Variants in ZNF385B observed in about 807,000 individuals in gnomAD.
ZNF385B encodes zinc finger protein 385B.
A neutral mutation model predicts 39.2 loss-of-function variants in ZNF385B; 23 were observed. That is an observed-to-expected ratio of 0.59 (90% confidence interval 0.42 to 0.83). ZNF385B has a LOEUF of 0.83. ZNF385B is among the 40% of genes least tolerant of loss of function. The pLI is 0.00. For synonymous variants in ZNF385B, 205 were observed against 222.6 expected (o/e 0.92, Z 0.70); for missense variants, 552 against 598.9 (o/e 0.92, Z 0.82).
intron 4 of ZNF385B, among the ~76,000 whole-genome samples, chr2:179,521,684 C>G (rs2058519790): frequency 1.3e-5 from 2 of 152,120 alleles, no homozygotes; most frequent in Admixed American, 6.6e-5. Context: ...AAGAAGGTTC[C>G]TTCATGAAAC....
chr2:179,843,433 T>G (rs566491180), intron 1 of ZNF385B, among the ~76,000 whole-genome samples: 1 of 152,348 alleles, frequency 6.6e-6, no homozygotes, highest in East Asian at 1.9e-4. Context: ...AATAGAATAT[T>G]TTTTAAGTCC....
intron 3 of ZNF385B, among the ~76,000 whole-genome samples, chr2:179,764,266 C>T (rs1225763501): frequency 2.0e-5 from 3 of 152,098 alleles, no homozygotes; most frequent in Non-Finnish European, 2.9e-5. Flanking sequence ...AATATAGCTA[C>T]CCCTGCCTTT....
chr2:179,784,946 A>G (rs962820742), intron 1 of ZNF385B, among the ~76,000 whole-genome samples: 3 of 152,138 alleles, frequency 2.0e-5, no homozygotes. Flanking sequence ...TATATCCAAC[A>G]GAAATATGTA....
At chr2:179,712,237 T>A (rs1700052775) in intron 3 of ZNF385B, among the ~76,000 whole-genome samples, 1 of 152,172 alleles carries the variant, frequency 6.6e-6, no homozygotes, top group South Asian at 2.1e-4. Context: ...TAGTCTCCAA[T>A]CCCCAATCTT....
chr2:179,759,327 C>T (rs189996178), intron 3 of ZNF385B, among the ~76,000 whole-genome samples: 91 of 152,238 alleles, frequency 6.0e-4, no homozygotes, highest in Middle Eastern at 3.4e-3. Flanking sequence ...TGCAGAGGCT[C>T]CTAGTTAACA....
At chr2:179,503,848 G>A (rs937747709) in intron 5 of ZNF385B, among the ~76,000 whole-genome samples, 1 of 138,572 alleles carries the variant, frequency 7.2e-6, no homozygotes, top group African/African-American at 2.7e-5. Flanking sequence ...TGGTGTATAT[G>A]TGCCACATTT....
chr2:179,752,947 A>G (rs937367132), intron 3 of ZNF385B, among the ~76,000 whole-genome samples: 2 of 152,038 alleles, frequency 1.3e-5, no homozygotes, highest in Admixed American at 1.3e-4. Context: ...ATTAGATCCC[A>G]TTTGTCAATT....
At chr2:179,493,733 ATATG>A in intron 5 of ZNF385B, among the ~76,000 whole-genome samples, 1 of 138,384 alleles carries the variant, frequency 7.2e-6, no homozygotes, top group Non-Finnish European at 1.5e-5. Context: ...GTATATACAT[ATATG>A]TATACATATG....
chr2:179,493,767 ACATATATGTATATACACATATG>A, intron 5 of ZNF385B, among the ~76,000 whole-genome samples: 1 of 89,142 alleles, frequency 1.1e-5, no homozygotes, highest in South Asian at 4.0e-4. Context: ...ATATATGTAT[ACATATATGTATATACACATATG>A]TATACATATA....
intron 3 of ZNF385B, among the ~76,000 whole-genome samples, chr2:179,602,037 T>C (rs776384333): frequency 6.6e-6 from 1 of 152,166 alleles, no homozygotes; most frequent in Non-Finnish European, 1.5e-5. Flanking sequence ...GTATATAAAG[T>C]CTATGGCATC....
chr2:179,648,842 G>A (rs1197669682), intron 3 of ZNF385B, among the ~76,000 whole-genome samples: 1 of 152,060 alleles, frequency 6.6e-6, no homozygotes, highest in Non-Finnish European at 1.5e-5. Flanking sequence ...GAATAAAACA[G>A]GAAGCCATCA....
chr2:179,829,517 T>G (rs567788850), intron 1 of ZNF385B, among the ~76,000 whole-genome samples: 7 of 152,226 alleles, frequency 4.6e-5, no homozygotes, highest in African/African-American at 1.4e-4. Flanking sequence ...ATATGACTTT[T>G]TTTTTCTTTT....
At chr2:179,451,106 G>T (rs185039824) in intron 6 of ZNF385B, among the ~76,000 whole-genome samples, 13,911 of 119,584 alleles carry the variant, frequency 0.12, 1,153 homozygotes, top group East Asian at 0.38. Context: ...GTTGTGAGGT[G>T]GGGGGAGGGG....
In ZNF385B at chr2:179,483,486, A is replaced by C. The variant is rs1045667690; in HGVS notation, c.553-52T>G. The stretch of plus-strand genomic sequence containing the variant: ...TTTTTTTGCTAATTACAAACACCAC[A>C]GTGGATGATCATGCAGGAGAAAAAT... On this transcript the variant is annotated intron_variant, in intron 5 of 9. Coordinates refer to ENST00000410066, the MANE Select transcript of ZNF385B (RefSeq NM_152520.6). 1.2e-5 allele frequency: 20 copies of C among 1,607,196 alleles called. No homozygotes were observed. The Admixed American group carries it at 1.7e-4, about 13-fold the overall frequency.
chr2:179,572,297 T>C (rs996644862), intron 3 of ZNF385B, among the ~76,000 whole-genome samples: 1 of 152,138 alleles, frequency 6.6e-6, no homozygotes, highest in African/African-American at 2.4e-5. Context: ...GTTAAGTATA[T>C]AATGATGGAC....
chr2:179,816,134 C>T (rs898056612), intron 1 of ZNF385B, among the ~76,000 whole-genome samples: 1 of 152,142 alleles, frequency 6.6e-6, no homozygotes, highest in Non-Finnish European at 1.5e-5. Context: ...ACTCCTCATC[C>T]CCAAATTACC....
rs1396675631 is a variant in ZNF385B, at chr2:179,712,515, G to C, written c.298+56988C>G. 2.0e-5 allele frequency among the ~76,000 whole-genome samples: 3 copies of C among 152,014 alleles called. No individual in the cohort carries two copies. In the East Asian group the frequency reaches 5.8e-4, roughly 29 times the overall value. On this transcript the variant is annotated intron_variant, in intron 3 of 9. Transcript: ENST00000410066. Reference sequence around the variant, plus strand: ...TGGCTCTCATCTTCTTCTTCAATAGGCTCTGTTGCTTTTGTTTCTCTAATC... The same window carrying C: ...TGGCTCTCATCTTCTTCTTCAATAGCCTCTGTTGCTTTTGTTTCTCTAATC...
intron 3 of ZNF385B, among the ~76,000 whole-genome samples, chr2:179,749,228 T>C (rs1702541352): frequency 6.6e-6 from 1 of 151,948 alleles, no homozygotes; most frequent in Non-Finnish European, 1.5e-5. Context: ...AAATAATAGA[T>C]AAATACTCAG....
At chr2:179,603,764 A>C (rs967876403) in intron 3 of ZNF385B, among the ~76,000 whole-genome samples, 4 of 152,184 alleles carry the variant, frequency 2.6e-5, no homozygotes, top group African/African-American at 7.2e-5. Context: ...ATAGGACTAG[A>C]TTCAGTACTT....
Sources: gnomAD v4.1 joint callset for allele counts (sites outside exome capture counted in the v4.1 genomes callset) on GRCh38, gnomAD v4.1.1 for gene constraint, MANE v1.5 for transcripts, NCBI Gene and HGNC (gene_info 2026-07-23, HGNC 2026-07-21) for gene names.